The following AKAIN1 variants were observed in gnomAD, a reference collection of about 807,000 sequenced individuals.
The protein encoded by AKAIN1 is A-kinase anchor protein inhibitor 1.
In AKAIN1, 3 loss-of-function variants were observed where a neutral mutation model predicts 3.7. The ratio of observed to expected loss-of-function variants is 0.82; its 90% CI spans 0.37 to 2.12. The LOEUF is 2.12. AKAIN1 is among the 30% of genes most tolerant of loss of function. The probability of loss-of-function intolerance (pLI) is 0.06; values close to 1 mark genes in which losing one functional copy is unlikely to be tolerated. For synonymous variants in AKAIN1, 31 were observed against 30.8 expected (o/e 1.01, Z -0.02); for missense variants, 82 against 82.7 (o/e 0.99, Z 0.03).
chr18:5,161,454 T>C (rs2071138958), intron 1 of AKAIN1, among the ~76,000 whole-genome samples: 1 of 152,150 alleles, frequency 6.6e-6, no homozygotes, highest in Non-Finnish European at 1.5e-5. Flanking sequence ...TATACAATGA[T>C]TGCATCTCCC....
At chr18:5,194,836 A>T (rs545610181) in intron 1 of AKAIN1, among the ~76,000 whole-genome samples, 2 of 152,272 alleles carry the variant, frequency 1.3e-5, no homozygotes, top group South Asian at 4.2e-4. Context: ...TCTGAGTGTT[A>T]GGTTAGCTTG....
At chr18:5,178,610 T>A (rs988812262) in intron 1 of AKAIN1, among the ~76,000 whole-genome samples, 2 of 152,144 alleles carry the variant, frequency 1.3e-5, no homozygotes, top group Middle Eastern at 3.2e-3. Context: ...AGAGCACTTG[T>A]ATGTGCCAAG....
chr18:5,152,883 C>A (rs1399590382), intron 1 of AKAIN1, among the ~76,000 whole-genome samples: 2 of 152,272 alleles, frequency 1.3e-5, no homozygotes, highest in East Asian at 3.9e-4. Context: ...CCAGCCTGGG[C>A]CTGGGGTCCT....
At chr18:5,193,570 T>C (rs2071333305) in intron 1 of AKAIN1, among the ~76,000 whole-genome samples, 1 of 152,182 alleles carries the variant, frequency 6.6e-6, no homozygotes, top group Non-Finnish European at 1.5e-5. Flanking sequence ...GGTGAAACCA[T>C]GGTACTGAAA....
rs1196531328 is a variant in AKAIN1 at position 5,193,493 on chromosome 18, A to G, written c.16+3545T>C. ...TCCACCTCACACTCTGTTTCTTCTTAGCTCTTCCTCAAGGAAGAAGGAATT... is the reference window on the plus strand; with the variant it reads ...TCCACCTCACACTCTGTTTCTTCTTGGCTCTTCCTCAAGGAAGAAGGAATT... On this transcript the variant is annotated intron_variant, in intron 1 of 1. Transcript: ENST00000434239. Among the ~76,000 whole-genome samples the G allele has an allele frequency of 2.0e-5, 3 of 152,162 alleles. No individual in the cohort carries two copies. In the East Asian group the frequency reaches 5.8e-4, roughly 29 times the overall value.
In AKAIN1 at chr18:5,197,198, C is replaced by T. The variant is rs1333832820; in HGVS notation, c.-145G>A. On this transcript the variant is annotated 5_prime_UTR_variant, in exon 1 of 2. Coordinates refer to ENST00000434239, the MANE Select transcript of AKAIN1 (RefSeq NM_001145194.2). The surrounding 1 kb of genome is among the most constrained non-coding windows in gnomAD (Gnocchi z 6.9). ...GGGGCGGTCAGCACCCCGGACAGCT[C>T]CCGCCGCTAGATCCTGGGGCCGCAG... 1.2e-5 allele frequency: 17 copies of T among 1,438,696 alleles called. No individual in the cohort carries two copies. The highest frequency in any genetic ancestry group is 1.5e-5 in the Non-Finnish European group (17 of 1,102,220). The allele number at this position is 1,438,696 out of a possible 1,614,324, so 89.1% of individuals were successfully genotyped here.
intron 1 of AKAIN1, among the ~76,000 whole-genome samples, chr18:5,156,776 T>TG (rs1282480664): frequency 6.6e-6 from 1 of 152,170 alleles, no homozygotes; most frequent in African/African-American, 2.4e-5. Flanking sequence ...CTCCATGGCC[T>TG]GGGGGTCTTT....
intron 1 of AKAIN1, among the ~76,000 whole-genome samples, chr18:5,184,394 G>A (rs1443770156): frequency 3.3e-5 from 5 of 152,052 alleles, no homozygotes; most frequent in Non-Finnish European, 7.4e-5. Flanking sequence ...AGGAAAGTAA[G>A]TCAAACTCTG....
intron 1 of AKAIN1, among the ~76,000 whole-genome samples, chr18:5,186,236 G>A (rs1374329109): frequency 1.3e-5 from 2 of 152,128 alleles, no homozygotes. Flanking sequence ...TGGAGAGTGG[G>A]AGGAGGGAGA....
At chr18:5,197,469 C>A, upstream of AKAIN1, 2 of 1,073,370 alleles carry the variant, frequency 1.9e-6, no homozygotes, top group South Asian at 4.7e-5. The surrounding 1 kb of genome is among the most constrained non-coding windows in gnomAD (Gnocchi z 6.9). Context: ...GGCTCGTCGC[C>A]GTGGATATTG....
chr18:5,172,523 A>G (rs2071203684), intron 1 of AKAIN1, among the ~76,000 whole-genome samples: 1 of 152,072 alleles, frequency 6.6e-6, no homozygotes, highest in Non-Finnish European at 1.5e-5. Context: ...GTGGCATTGC[A>G]ATGTGCATCT....
At chr18:5,195,894 A>G (rs1302886646) in intron 1 of AKAIN1, among the ~76,000 whole-genome samples, 1 of 152,178 alleles carries the variant, frequency 6.6e-6, no homozygotes, top group Non-Finnish European at 1.5e-5. Context: ...TGCCTGTGGT[A>G]AAGCCAGAGC....
intron 1 of AKAIN1, among the ~76,000 whole-genome samples, chr18:5,179,663 A>G (rs2071246228): frequency 2.0e-5 from 3 of 152,042 alleles, no homozygotes. Flanking sequence ...AGCCTGGCAC[A>G]CCTTCATCCT....
intron 1 of AKAIN1, among the ~76,000 whole-genome samples, chr18:5,170,044 A>G (rs1158716908): frequency 1.3e-5 from 2 of 152,146 alleles, no homozygotes; most frequent in Non-Finnish European, 1.5e-5. Flanking sequence ...TAATTCACAC[A>G]TTTGGGATAT....
intron 1 of AKAIN1, among the ~76,000 whole-genome samples, chr18:5,183,657 G>T (rs866203250): frequency 2.0e-5 from 3 of 151,974 alleles, no homozygotes; most frequent in Non-Finnish European, 4.4e-5. Context: ...ATGCAAAGTT[G>T]ATTCCTGTTA....
At chr18:5,150,700 C>G (rs997908109) in intron 1 of AKAIN1, among the ~76,000 whole-genome samples, 1 of 152,166 alleles carries the variant, frequency 6.6e-6, no homozygotes, top group African/African-American at 2.4e-5. Flanking sequence ...AGCTCCCCAC[C>G]ACGCCCCTCA....
At chr18:5,157,681 T>C (rs530998271) in intron 1 of AKAIN1, among the ~76,000 whole-genome samples, 10 of 152,276 alleles carry the variant, frequency 6.6e-5, no homozygotes, top group African/African-American at 2.4e-4. Flanking sequence ...TTAAAAAATT[T>C]TGACTTAGAA....
chr18:5,186,307 A>G (rs1481638800), intron 1 of AKAIN1, among the ~76,000 whole-genome samples: 1 of 152,094 alleles, frequency 6.6e-6, no homozygotes, highest in Non-Finnish European at 1.5e-5. Flanking sequence ...TAATCCGTAC[A>G]CCAAACCCCT....
chr18:5,164,523 T>C (rs2071156949), intron 1 of AKAIN1, among the ~76,000 whole-genome samples: 1 of 152,010 alleles, frequency 6.6e-6, no homozygotes, highest in Non-Finnish European at 1.5e-5. Context: ...AATGGACTCA[T>C]CTGTTTTTTA....
Sources: allele counts gnomAD v4.1 joint callset (sites outside exome capture counted in the v4.1 genomes callset), GRCh38; gene constraint gnomAD v4.1.1; non-coding constraint Gnocchi (gnomAD v3.1); transcripts MANE v1.5; gene names NCBI Gene and HGNC (gene_info 2026-07-23, HGNC 2026-07-21).